ATF6: variants seen among roughly 807,000 people sequenced by gnomAD.
ATF6 encodes cyclic AMP-dependent transcription factor ATF-6 alpha.
A neutral mutation model predicts 83.6 loss-of-function variants in ATF6; 53 were observed. The observed-to-expected ratio is 0.63, with a 90% CI of 0.51 to 0.80. The LOEUF (loss-of-function observed/expected upper bound fraction) is 0.80. Ranked by LOEUF, ATF6 falls within the 30% of genes least tolerant of loss-of-function variation. ATF6 has a pLI of 0.00. For missense variants in ATF6, 744 were observed against 797.9 expected, an observed-to-expected ratio of 0.93 and a Z score of 0.81; for synonymous variants, 288 against 285.8, an observed-to-expected ratio of 1.01 and a Z score of -0.08.
chr1:161,766,425 G>A lies in ATF6; in HGVS notation c.65G>A (p.Arg22Lys). Residue 22 changes from arginine to lysine, a missense_variant, in exon 1 of 16, where the codon AGG becomes AAG. Coordinates refer to ENST00000367942, the MANE Select transcript of ATF6 (RefSeq NM_007348.4). ...ESPFSPGLFHRLDEDWDSALF... is the reference protein window; with the variant it reads ...ESPFSPGLFHKLDEDWDSALF... ...CCTTTTAGCCCGGGACTCTTTCACA[G>A]GCTGGATGAAGATTGGGGTGAGTGG... is the stretch of plus-strand genomic sequence containing the variant. The A allele has an allele frequency of 6.2e-7, 1 of 1,613,372 alleles. No homozygotes were observed. Among genetic ancestry groups the A allele is most frequent in the African/African-American group, 1.3e-5 (1 of 75,038 alleles).
chr1:161,873,680 T>C (rs190592450), intron 14 of ATF6, among the ~76,000 whole-genome samples: 1 of 151,722 alleles, frequency 6.6e-6, no homozygotes, highest in East Asian at 1.9e-4. Flanking sequence ...TTTGAAGAGA[T>C]ATCCAGTTCA....
chr1:161,794,360 T>C (rs1398960836), intron 6 of ATF6, among the ~76,000 whole-genome samples: 6 of 152,222 alleles, frequency 3.9e-5, no homozygotes, highest in Non-Finnish European at 8.8e-5. Context: ...GTAGTAAATA[T>C]GTTACCATTG....
At chr1:161,814,313 G>GC (rs1472803575) in intron 7 of ATF6, among the ~76,000 whole-genome samples, 1 of 152,222 alleles carries the variant, frequency 6.6e-6, no homozygotes, top group African/African-American at 2.4e-5. Context: ...AAGAGGCTGT[G>GC]CCCATGGTGT....
intron 15 of ATF6, among the ~76,000 whole-genome samples, chr1:161,924,093 C>T (rs1688264957): frequency 6.6e-6 from 1 of 152,182 alleles, no homozygotes; most frequent in Non-Finnish European, 1.5e-5. Context: ...TGAGCCACTT[C>T]ATATAATCTC....
intron 6 of ATF6, among the ~76,000 whole-genome samples, chr1:161,797,248 T>C (rs1320362625): frequency 6.6e-6 from 1 of 152,142 alleles, no homozygotes; most frequent in African/African-American, 2.4e-5. Flanking sequence ...TACATTCCCT[T>C]TGAGAACCAG....
intron 14 of ATF6, among the ~76,000 whole-genome samples, chr1:161,886,883 A>C (rs1316874459): frequency 6.6e-6 from 1 of 152,192 alleles, no homozygotes; most frequent in Non-Finnish European, 1.5e-5. Context: ...AAAGGCATGC[A>C]TGCACATATT....
chr1:161,796,296 T>C (rs1685020485), intron 6 of ATF6, among the ~76,000 whole-genome samples: 1 of 152,252 alleles, frequency 6.6e-6, no homozygotes, highest in Admixed American at 6.5e-5. Flanking sequence ...CCTCTTCTGT[T>C]CTTTAAAATA....
At chr1:161,903,925 G>A (rs538280566) in intron 14 of ATF6, among the ~76,000 whole-genome samples, 2 of 152,200 alleles carry the variant, frequency 1.3e-5, no homozygotes, top group Admixed American at 6.5e-5. Flanking sequence ...AAAAATTCTG[G>A]CCCACCTCAG....
At position 161,944,162 on chromosome 1, in the gene ATF6, G is replaced by A. The variant is rs370727522; in HGVS notation, c.1805-14284G>A. 1.4e-4 allele frequency among the ~76,000 whole-genome samples: 22 copies of A among 152,264 alleles called. No homozygotes were observed. In the East Asian group the frequency reaches 3.5e-3, roughly 24 times the overall value. ...TTGGTGCTCAGTTAGGCCAGAATCCGAAAAAGTTGTAAGTTAAGTTCTGAA... is the reference window on the plus strand; with the variant it reads ...TTGGTGCTCAGTTAGGCCAGAATCCAAAAAAGTTGTAAGTTAAGTTCTGAA... On this transcript the variant is annotated intron_variant, in intron 15 of 15. Coordinates refer to ENST00000367942, the MANE Select transcript of ATF6 (RefSeq NM_007348.4).
intron 7 of ATF6, among the ~76,000 whole-genome samples, chr1:161,814,991 A>G (rs1685577764): frequency 6.6e-6 from 1 of 152,070 alleles, no homozygotes; most frequent in African/African-American, 2.4e-5. Context: ...GAAGAGGTTA[A>G]TCAGTAATGG....
chr1:161,888,459 A>G (rs1558011439), intron 14 of ATF6, among the ~76,000 whole-genome samples: 3 of 152,162 alleles, frequency 2.0e-5, no homozygotes, highest in East Asian at 1.9e-4. Context: ...CCTAGCTTGA[A>G]TGTAGTAAAT....
chr1:161,889,719 T>C (rs533308022), intron 14 of ATF6, among the ~76,000 whole-genome samples: 1 of 152,374 alleles, frequency 6.6e-6, no homozygotes, highest in Admixed American at 6.5e-5. Context: ...TGAGAATCTT[T>C]TTGATTCAAA....
chr1:161,958,778 G>A lies in ATF6; in HGVS notation c.*124G>A, dbSNP rs13401. ...CTGTCTCGTACTAGAATTCAAGGAG[G>A]AAAGAAGAAGAAATAAAAGAAGCTG... On this transcript the variant is annotated 3_prime_UTR_variant, in exon 16 of 16. Coordinates refer to ENST00000367942, the MANE Select transcript of ATF6 (RefSeq NM_007348.4). The A allele has an allele frequency of 0.69, 524,048 of 757,268 alleles. 186,317 individuals carry two copies. Among genetic ancestry groups the A allele is most frequent in the Non-Finnish European group, 0.75 (369,017 of 494,158 alleles). The allele number at this position is 757,268 out of a possible 1,614,324, so 46.9% of individuals were successfully genotyped here. A position where few individuals can be genotyped will look rare whatever the true frequency, so the allele number is the denominator to read the frequency against.
chr1:161,915,938 T>C (rs1688089321), intron 15 of ATF6, among the ~76,000 whole-genome samples: 1 of 152,140 alleles, frequency 6.6e-6, no homozygotes, highest in Admixed American at 6.5e-5. Flanking sequence ...TGTCTTAATA[T>C]TACTGTTACC....
Position 161,898,762 on chromosome 1 carries a change from G to A in ATF6, c.1720-13534G>A, listed in dbSNP as rs188505709. Among the ~76,000 whole-genome samples the A allele has an allele frequency of 6.6e-5, 10 of 152,158 alleles. No homozygotes were observed. The East Asian group carries it at 7.7e-4, about 12-fold the overall frequency. ...AGGGTTTTACCACGTTGGCCAGACC[G>A]GTCTTGAACTCCTGACCTCAGGTGA... is the stretch of plus-strand genomic sequence containing the variant. On this transcript the variant is annotated intron_variant, in intron 14 of 15. Transcript: ENST00000367942.
intron 14 of ATF6, among the ~76,000 whole-genome samples, chr1:161,885,481 A>G (rs1325153507): frequency 6.6e-6 from 1 of 152,148 alleles, no homozygotes. Flanking sequence ...CAGAATGTGA[A>G]GCTGTATGCT....
rs148286684 is a variant in ATF6, at chr1:161,958,760, G to C, written c.*106G>C. 6 of 926,428 alleles carry C rather than the reference G, an allele frequency of 6.5e-6. No homozygotes were observed. Among genetic ancestry groups the C allele is most frequent in the African/African-American group, 1.7e-5 (1 of 60,246 alleles). The allele number at this position is 926,428 out of a possible 1,614,324, so 57.4% of individuals were successfully genotyped here. A position where few individuals can be genotyped will look rare whatever the true frequency, so the allele number is the denominator to read the frequency against. On this transcript the variant is annotated 3_prime_UTR_variant, in exon 16 of 16. Transcript: ENST00000367942. Reference sequence around the variant, plus strand: ...TTGGTGGCAGGCAGAGAACTGTCTCGTACTAGAATTCAAGGAGGAAAGAAG... The same window carrying C: ...TTGGTGGCAGGCAGAGAACTGTCTCCTACTAGAATTCAAGGAGGAAAGAAG...
chr1:161,905,210 T>G (rs1157167202), intron 14 of ATF6, among the ~76,000 whole-genome samples: 2 of 152,190 alleles, frequency 1.3e-5, no homozygotes, highest in Non-Finnish European at 2.9e-5. Context: ...TATCTCCCTG[T>G]GTTCCCTTCC....
chr1:161,872,071 C>G (rs527883478), intron 14 of ATF6, among the ~76,000 whole-genome samples: 5 of 151,712 alleles, frequency 3.3e-5, no homozygotes, highest in Non-Finnish European at 4.4e-5. Context: ...AACACTTATA[C>G]AGAACACAAT....
Sources: gnomAD v4.1 joint callset for allele counts (sites outside exome capture counted in the v4.1 genomes callset) on GRCh38, gnomAD v4.1.1 for gene constraint, MANE v1.5 for transcripts, NCBI Gene and HGNC (gene_info 2026-07-23, HGNC 2026-07-21) for gene names.